The following KCNJ18 variants were observed in gnomAD, a reference collection of about 807,000 sequenced individuals.
KCNJ18 encodes potassium inwardly rectifying channel subfamily J member 18, also known as inward rectifier potassium channel 18.
A neutral mutation model predicts 17.3 loss-of-function variants in KCNJ18; 16 were observed. The ratio of observed to expected loss-of-function variants is 0.92; its 90% CI spans 0.62 to 1.40. The LOEUF (loss-of-function observed/expected upper bound fraction) is 1.40. Among genes scored for constraint, KCNJ18 ranks in the 40% most tolerant of loss-of-function variants. The probability of loss-of-function intolerance (pLI) is 0.00; values close to 1 mark genes in which losing one functional copy is unlikely to be tolerated. For synonymous variants in KCNJ18, 185 were observed against 262.6 expected (o/e 0.70, Z 2.86); for missense variants, 462 against 626.8 (o/e 0.74, Z 2.81).
chr17:21,694,666 A>C, intron 1 of KCNJ18, among the ~76,000 whole-genome samples: 1 of 142,790 alleles, frequency 7.0e-6, no homozygotes, highest in African/African-American at 2.7e-5. Flanking sequence ...CCACCCATCC[A>C]TTCACCCATC....
At chr17:21,701,874 G>A (rs1358899746) in intron 2 of KCNJ18, among the ~76,000 whole-genome samples, 16 of 152,214 alleles carry the variant, frequency 1.1e-4, no homozygotes, top group African/African-American at 3.9e-4. Flanking sequence ...TTGCGCCATT[G>A]CATTCCAGCC....
chr17:21,700,641 G>A lies in KCNJ18; in HGVS notation c.-56-2090G>A, dbSNP rs1287115648. The stretch of plus-strand genomic sequence containing the variant: ...CTCCGAGGCCCAGACTAGTGTGGAC[G>A]TGGCCAGAAGCTGGGTCACACAGAC... On this transcript the variant is annotated intron_variant, in intron 2 of 2. Transcript: ENST00000567955. 2.1e-4 allele frequency among the ~76,000 whole-genome samples: 22 copies of A among 104,660 alleles called. 1 individual carries two copies. The East Asian group carries it at 5.0e-3, about 24-fold the overall frequency. 68.7% of individuals were successfully genotyped at this position (104,660 alleles called of 152,430 possible).
intron 2 of KCNJ18, among the ~76,000 whole-genome samples, chr17:21,698,366 T>A (rs1248875287): frequency 2.0e-5 from 3 of 152,074 alleles, no homozygotes; most frequent in African/African-American, 4.8e-5. Context: ...ATTAAAGCTC[T>A]TAGAAGAGCA....
chr17:21,698,667 C>T (rs1408719698), intron 2 of KCNJ18, among the ~76,000 whole-genome samples: 2 of 152,100 alleles, frequency 1.3e-5, no homozygotes, highest in Non-Finnish European at 2.9e-5. Context: ...CATCCAGTTC[C>T]ATCCGGAAGC....
At position 21,703,994 on chromosome 17, in the gene KCNJ18, G is replaced by C; in HGVS notation, c.1208G>C (p.Gly403Ala). ...GACCAGGACGGCCGAAGCCGGGATG[G>C]CCTCAGCCCCCAGGCCAGGCATGAC... ...DGDQDGRSRD[G>A]LSPQARHDFD... is the part of the protein sequence containing the mutation. Residue 403 changes from glycine (G) to alanine (A), a missense_variant, in exon 3 of 3, where the codon GGC (glycine) becomes GCC (alanine). By Grantham distance (60) the Gly-to-Ala change is moderately conservative (BLOSUM62 0). Around this residue, in one of 5 missense-constraint regions of KCNJ18, gnomAD observed 123 missense variants for 117.5 expected, o/e 1.05. Transcript: ENST00000567955. 6.3e-7 allele frequency: 1 copy of C among 1,599,820 alleles called. No individual in the cohort carries two copies. Among genetic ancestry groups the C allele is most frequent in the Non-Finnish European group, 8.5e-7 (1 of 1,174,134 alleles).
chr17:21,699,860 C>T (rs1443615569), intron 2 of KCNJ18, among the ~76,000 whole-genome samples: 1 of 152,174 alleles, frequency 6.6e-6, no homozygotes, highest in Non-Finnish European at 1.5e-5. Context: ...GCAGACCGGG[C>T]TCTCTGGCCT....
intron 1 of KCNJ18, among the ~76,000 whole-genome samples, chr17:21,695,335 C>T (rs1347781426): frequency 2.6e-5 from 4 of 152,236 alleles, no homozygotes; most frequent in African/African-American, 9.6e-5. Flanking sequence ...TTCACCCATC[C>T]ATCCATCCAC....
Position 21,702,747 on chromosome 17 carries a change from A to G in KCNJ18, c.-40A>G. ...CTGTTCCAGGAGCCGCCCTGCCTGGAGCTAGCCTGGGGGTGAGCCAGGGTC... is the reference window on the plus strand; with the variant it reads ...CTGTTCCAGGAGCCGCCCTGCCTGGGGCTAGCCTGGGGGTGAGCCAGGGTC... On this transcript the variant is annotated 5_prime_UTR_variant, in exon 3 of 3. Transcript: ENST00000567955. The G allele has an allele frequency of 1.9e-6, 3 of 1,545,476 alleles. No individual in the cohort carries two copies. Among genetic ancestry groups the G allele is most frequent in the Non-Finnish European group, 2.6e-6 (3 of 1,152,022 alleles).
intron 2 of KCNJ18, among the ~76,000 whole-genome samples, chr17:21,701,881 A>G (rs1400059754): frequency 3.3e-5 from 5 of 152,266 alleles, no homozygotes; most frequent in Non-Finnish European, 7.3e-5. Context: ...ATTGCATTCC[A>G]GCCTAGGTGA....
chr17:21,702,613 A>G, intron 2 of KCNJ18, 118 bp from the exon 3 acceptor site: 1 of 806,104 alleles, frequency 1.2e-6, no homozygotes, highest in Non-Finnish European at 1.9e-6. Flanking sequence ...AGACCAGAGC[A>G]TGATTGTGGG....
At position 21,703,944 on chromosome 17, in the gene KCNJ18, T is replaced by C; in HGVS notation, c.1158T>C (p.Arg386=). Residue 386 remains arginine, a synonymous_variant, in exon 3 of 3, where the codon CGT becomes CGC. Coordinates refer to ENST00000567955, the MANE Select transcript of KCNJ18 (RefSeq NM_001194958.2). ...AGAACGAGCTGGCCTTCCTGAGCCGTGACGAGGAGGATGAGGCGGACGGAG... is the reference window on the plus strand; with the variant it reads ...AGAACGAGCTGGCCTTCCTGAGCCGCGACGAGGAGGATGAGGCGGACGGAG... ...CYENELAFLS[R]DEEDEADGDQ... 1.2e-6 allele frequency: 2 copies of C among 1,609,994 alleles called. No homozygotes were observed. Among genetic ancestry groups the C allele is most frequent in the South Asian group, 1.1e-5 (1 of 91,036 alleles).
intron 1 of KCNJ18, among the ~76,000 whole-genome samples, chr17:21,693,060 G>A: frequency 6.6e-6 from 1 of 152,308 alleles, no homozygotes; most frequent in Non-Finnish European, 1.5e-5. Context: ...CTCAGTCGTG[G>A]TCATGGGGAA....
chr17:21,693,647 C>A, intron 1 of KCNJ18, among the ~76,000 whole-genome samples: 1 of 152,308 alleles, frequency 6.6e-6, no homozygotes, highest in Admixed American at 6.5e-5. Flanking sequence ...GGGATGACTG[C>A]AGCCAGCTGC....
intron 2 of KCNJ18, among the ~76,000 whole-genome samples, chr17:21,702,319 T>G (rs1488117136): frequency 6.8e-6 from 1 of 146,214 alleles, no homozygotes; most frequent in Non-Finnish European, 1.5e-5. Context: ...AAGGGAGGGA[T>G]AGGCACCGAC....
At chr17:21,702,290 G>C (rs1380632379) in intron 2 of KCNJ18, among the ~76,000 whole-genome samples, 16 of 152,024 alleles carry the variant, frequency 1.1e-4, no homozygotes, top group African/African-American at 3.9e-4. Flanking sequence ...CATGTCCTGG[G>C]GGGCCTCTGA....
chr17:21,693,367 C>A (rs1486610884), intron 1 of KCNJ18, among the ~76,000 whole-genome samples: 1 of 152,306 alleles, frequency 6.6e-6, no homozygotes. Flanking sequence ...CTGGGGAATG[C>A]CCCTTTCAGG....
At chr17:21,693,997 C>A (rs1353374667) in intron 1 of KCNJ18, among the ~76,000 whole-genome samples, 1 of 152,136 alleles carries the variant, frequency 6.6e-6, no homozygotes, top group Non-Finnish European at 1.5e-5. Flanking sequence ...AGAGACCAGG[C>A]AGGCCATCCC....
chr17:21,696,266 C>T (rs1157391673), intron 2 of KCNJ18, among the ~76,000 whole-genome samples, 162 bp downstream of exon 2: 6 of 151,948 alleles, frequency 3.9e-5, no homozygotes, highest in African/African-American at 1.4e-4. Context: ...CCCATGCCTC[C>T]ACCCCTCCAT....
chr17:21,702,631 G>T lies in KCNJ18; in HGVS notation c.-56-100G>T, dbSNP rs1475244492. 1.1e-5 allele frequency: 9 copies of T among 818,022 alleles called. No homozygotes were observed. The African/African-American group carries it at 1.6e-4, about 15-fold the overall frequency. The allele number at this position is 818,022 out of a possible 1,614,324, so 50.7% of individuals were successfully genotyped here. A position where few individuals can be genotyped will look rare whatever the true frequency, so the allele number is the denominator to read the frequency against. ...CCAGAGCATGATTGTGGGTCAATCA[G>T]GGTGGAAGCGTCCTCCAGTCACGTC... On this transcript the variant is annotated intron_variant, in intron 2 of 2. Coordinates refer to ENST00000567955, the MANE Select transcript of KCNJ18 (RefSeq NM_001194958.2).
Sources: gnomAD v4.1 joint callset for allele counts (sites outside exome capture counted in the v4.1 genomes callset) on GRCh38, gnomAD v4.1.1 for gene constraint, gnomAD v4.1.1 regional missense constraint, MANE v1.5 for transcripts, NCBI Gene and HGNC (gene_info 2026-07-23, HGNC 2026-07-21) for gene names.